PPP2R2B: variants seen among roughly 807,000 people sequenced by gnomAD.
The protein encoded by PPP2R2B is serine/threonine-protein phosphatase 2A 55 kDa regulatory subunit B beta isoform.
In PPP2R2B, 5 loss-of-function variants were observed where a neutral mutation model predicts 46.0. The ratio of observed to expected loss-of-function variants is 0.11; its 90% CI spans 0.06 to 0.23. PPP2R2B has a LOEUF of 0.23. Ranked by LOEUF, PPP2R2B falls within the 10% of genes least tolerant of loss-of-function variation. PPP2R2B has a pLI of 1.00. For synonymous variants in PPP2R2B, 215 were observed against 206.7 expected, an observed-to-expected ratio of 1.04 and a Z score of -0.34; for missense variants, 367 against 575.0, an observed-to-expected ratio of 0.64 and a Z score of 3.70.
intron 2 of PPP2R2B, among the ~76,000 whole-genome samples, chr5:146,802,185 GC>G (rs1301540509): frequency 2.6e-5 from 4 of 152,082 alleles, no homozygotes; most frequent in Non-Finnish European, 5.9e-5. Context: ...CCAGTTTCAC[GC>G]CCCCTTTTCT....
intron 2 of PPP2R2B, 158 bp from the exon 3 acceptor site, chr5:146,701,300 A>T: frequency 1.3e-6 from 1 of 784,520 alleles, no homozygotes; most frequent in Admixed American, 1.7e-5. Context: ...TGCCACCAGA[A>T]GTGGCACTTG....
intron 2 of PPP2R2B, among the ~76,000 whole-genome samples, chr5:146,810,462 A>C (rs774485187): frequency 6.6e-6 from 1 of 152,210 alleles, no homozygotes; most frequent in Non-Finnish European, 1.5e-5. Context: ...ATCTCACAAC[A>C]GGAGGCAATT....
At position 146,590,399 on chromosome 5, in the gene PPP2R2B, T is replaced by G. The variant is rs1341486481; in HGVS notation, c.1053-173A>C. 9.6e-5 allele frequency among the ~76,000 whole-genome samples: 11 copies of G among 114,162 alleles called. 1 individual carries two copies. The highest frequency in any genetic ancestry group is 4.3e-4 in the African/African-American group (11 of 25,356). The allele number at this position is 114,162 out of a possible 152,430, so 74.9% of individuals were successfully genotyped here. A position where few individuals can be genotyped will look rare whatever the true frequency, so the allele number is the denominator to read the frequency against. On this transcript the variant is annotated intron_variant, in intron 9 of 9. Coordinates refer to ENST00000394411, the MANE Select transcript of PPP2R2B (RefSeq NM_181675.4). ...ATTGGCTTTTTGTTTTTTTTTTGTG[T>G]TTTTTTTTTTTTTTTTTGAATCACT...
chr5:146,646,204 T>C (rs1775569746), intron 6 of PPP2R2B, among the ~76,000 whole-genome samples: 1 of 152,220 alleles, frequency 6.6e-6, no homozygotes, highest in Non-Finnish European at 1.5e-5. Flanking sequence ...CAATTTATCA[T>C]CGTTGAGGGC....
At chr5:146,687,312 G>C (rs1469700858) in intron 5 of PPP2R2B, among the ~76,000 whole-genome samples, 1 of 152,076 alleles carries the variant, frequency 6.6e-6, no homozygotes, top group East Asian at 1.9e-4. Flanking sequence ...CGGATCGAAG[G>C]GCTCAGGTCC....
At chr5:146,920,571 G>A (rs1763564995) in intron 1 of PPP2R2B, among the ~76,000 whole-genome samples, 1 of 152,186 alleles carries the variant, frequency 6.6e-6, no homozygotes, top group Admixed American at 6.5e-5. Context: ...TACTAAAGAT[G>A]CTGTTCTTTG....
chr5:146,797,470 T>G (rs1000148966), intron 2 of PPP2R2B, among the ~76,000 whole-genome samples: 1 of 152,226 alleles, frequency 6.6e-6, no homozygotes, highest in African/African-American at 2.4e-5. Flanking sequence ...CTTTTATTTT[T>G]AGCAGGAGGA....
chr5:146,878,757 TG>T (rs1561982454), upstream of PPP2R2B: 18 of 1,330,998 alleles, frequency 1.4e-5, no homozygotes, highest in African/African-American at 2.6e-4. The surrounding 1 kb of genome is among the most constrained non-coding windows in gnomAD (Gnocchi z 4.5). Flanking sequence ...CTGCTGCTGC[TG>T]CAGGAGGCTG....
At chr5:146,768,300 C>T (rs552565286) in intron 2 of PPP2R2B, among the ~76,000 whole-genome samples, 1 of 152,272 alleles carries the variant, frequency 6.6e-6, no homozygotes, top group African/African-American at 2.4e-5. Context: ...TCTTGAACTC[C>T]TGAACTCAAA....
intron 7 of PPP2R2B, among the ~76,000 whole-genome samples, chr5:146,627,894 C>A (rs1774165549): frequency 1.3e-5 from 2 of 152,108 alleles, no homozygotes; most frequent in Admixed American, 1.3e-4. Context: ...GCCTTCTTCT[C>A]ATTGGAACTC....
chr5:146,827,202 G>A (rs1758635159), intron 2 of PPP2R2B, among the ~76,000 whole-genome samples: 1 of 152,120 alleles, frequency 6.6e-6, no homozygotes, highest in South Asian at 2.1e-4. Flanking sequence ...TAGCTGAATT[G>A]CCAGGGAATT....
chr5:146,857,460 A>G (rs1487225071), intron 2 of PPP2R2B, among the ~76,000 whole-genome samples: 1 of 152,166 alleles, frequency 6.6e-6, no homozygotes, highest in East Asian at 1.9e-4. Flanking sequence ...TATCCTGCTG[A>G]TGGTGCATGG....
At position 147,075,196 on chromosome 5, in the gene PPP2R2B, C is replaced by A. The variant is rs1444692644; in HGVS notation, c.50+5863G>T. Among the ~76,000 whole-genome samples, 3 of 152,228 alleles carry A rather than the reference C, an allele frequency of 2.0e-5. No homozygotes were observed. The South Asian group carries it at 6.2e-4, about 32-fold the overall frequency. ...CTAATGAGGAAATAATGTAAAATTT[C>A]ATGCAATGAAATCATATGTTATATG... On this transcript the variant is annotated intron_variant, in intron 2 of 10. Transcript: ENST00000394413.
intron 2 of PPP2R2B, among the ~76,000 whole-genome samples, chr5:146,747,819 T>C (rs1753282645): frequency 1.3e-5 from 2 of 152,216 alleles, no homozygotes; most frequent in Non-Finnish European, 2.9e-5. Flanking sequence ...ACTTATTAAG[T>C]AGTTTGAACC....
rs189360966 is a variant in PPP2R2B at position 146,865,040 on chromosome 5, C to A, written c.70+12962G>T. On this transcript the variant is annotated intron_variant, in intron 2 of 9. Transcript: ENST00000394411. ...TTTAGAAACTTGTTCTAAAACATAA[C>A]CAAAGACATGATTTAGAGTCTATAA... Among the ~76,000 whole-genome samples the A allele has an allele frequency of 6.7e-3, 1,018 of 152,136 alleles. 7 individuals are homozygous for A. The highest frequency in any genetic ancestry group is 9.8e-3 in the Admixed American group (149 of 15,278).
chr5:147,062,341 A>G (rs1484592063), intron 2 of PPP2R2B, among the ~76,000 whole-genome samples: 1 of 152,202 alleles, frequency 6.6e-6, no homozygotes, highest in African/African-American at 2.4e-5. Flanking sequence ...CAAGTGATGC[A>G]TGACGGTAGT....
At chr5:146,752,195 T>C (rs951512246) in intron 2 of PPP2R2B, among the ~76,000 whole-genome samples, 2 of 152,106 alleles carry the variant, frequency 1.3e-5, no homozygotes, top group Non-Finnish European at 2.9e-5. Flanking sequence ...TGAGACGCTG[T>C]CAAGGTAGAG....
At chr5:146,990,584 C>T (rs1275131912) in intron 1 of PPP2R2B, among the ~76,000 whole-genome samples, 1 of 151,914 alleles carries the variant, frequency 6.6e-6, no homozygotes, top group Non-Finnish European at 1.5e-5. Context: ...TAAATTAAGA[C>T]AAATACAAGG....
In PPP2R2B at chr5:146,589,254, T is replaced by TCTC. The variant is rs1561744309; in HGVS notation, c.*690_*692dup. ...CTGGGAAGCACTGTGTCGAAAGTGC[T>TCTC]CTCTTTCTGTCCCCTGAAGCATTCA... On this transcript the variant is annotated 3_prime_UTR_variant, in exon 10 of 10. Transcript: ENST00000394411. 6.6e-6 allele frequency: 1 copy of TCTC among 152,256 alleles called. No individual in the cohort carries two copies. The highest frequency in any genetic ancestry group is 2.4e-5 in the African/African-American group (1 of 41,448). 9.4% of individuals were successfully genotyped at this position (152,256 alleles called of 1,614,324 possible).
Sources: allele counts gnomAD v4.1 joint callset (sites outside exome capture counted in the v4.1 genomes callset), GRCh38; gene constraint gnomAD v4.1.1; non-coding constraint Gnocchi (gnomAD v3.1); transcripts MANE v1.5; gene names NCBI Gene and HGNC (gene_info 2026-07-23, HGNC 2026-07-21).